Variants in RYR3 observed in about 807,000 individuals in gnomAD.
RYR3 encodes brain ryanodine receptor-calcium release channel.
RYR3 carries 207 observed loss-of-function variants against 584.3 expected under a neutral mutation model. The observed-to-expected ratio is 0.35, with a 90% CI of 0.32 to 0.40. RYR3 has a LOEUF of 0.40. Ranked by LOEUF, RYR3 falls within the 10% of genes least tolerant of loss-of-function variation. The pLI, the probability that RYR3 is intolerant of heterozygous loss-of-function variation, is 1.00. For missense variants in RYR3, 5,616 were observed against 6,089.2 expected, an observed-to-expected ratio of 0.92 and a Z score of 2.59; for synonymous variants, 2,416 against 2,248.5, an observed-to-expected ratio of 1.07 and a Z score of -2.11.
intron 46 of RYR3, 120 bp downstream of exon 46, chr15:33,726,626 C>A: frequency 9.7e-7 from 1 of 1,030,974 alleles, no homozygotes. Context: ...CTGCACAGGG[C>A]AAGTGTCTCA....
intron 27 of RYR3, among the ~76,000 whole-genome samples, chr15:33,637,717 T>C (rs2061570090): frequency 6.6e-6 from 1 of 152,264 alleles, no homozygotes; most frequent in South Asian, 2.1e-4. Context: ...AGAGCGTTTT[T>C]AGCTTTATAA....
At chr15:33,779,889 T>C (rs1445230324) in intron 64 of RYR3, among the ~76,000 whole-genome samples, 1 of 151,722 alleles carries the variant, frequency 6.6e-6, no homozygotes, top group Non-Finnish European at 1.5e-5. Flanking sequence ...TGGGCGCATG[T>C]AGTGCCAGCT....
At chr15:33,447,369 A>G (rs907845549) in intron 1 of RYR3, among the ~76,000 whole-genome samples, 3 of 152,196 alleles carry the variant, frequency 2.0e-5, no homozygotes, top group Non-Finnish European at 4.4e-5. Context: ...CTTCAAAGCA[A>G]CAGGAGAACT....
At chr15:33,620,151 C>T (rs1294079220) in intron 19 of RYR3, among the ~76,000 whole-genome samples, 3 of 152,054 alleles carry the variant, frequency 2.0e-5, no homozygotes, top group African/African-American at 7.2e-5. Flanking sequence ...AAATAGCCTT[C>T]TAGGGAGCAC....
chr15:33,348,796 G>A (rs1423159038), intron 1 of RYR3, among the ~76,000 whole-genome samples: 2 of 151,936 alleles, frequency 1.3e-5, no homozygotes, highest in Non-Finnish European at 2.9e-5. Context: ...AAAAAAAATT[G>A]CATGCATTAA....
rs529735179 is a variant in RYR3, at chr15:33,777,981, C to G, written c.9138-2230C>G. Among the ~76,000 whole-genome samples, 153 of 152,048 alleles carry G rather than the reference C, an allele frequency of 1.0e-3. 3 individuals carry two copies. Among genetic ancestry groups the G allele is most frequent in the Non-Finnish European group, 1.9e-3 (129 of 67,976 alleles). ...GGTCAGGAGTTCGAGGCCAGCCTGG[C>G]CAACATGGTGACGCTTCGTCTCTAC... On this transcript the variant is annotated intron_variant, in intron 64 of 103. Coordinates refer to ENST00000634891, the MANE Select transcript of RYR3 (RefSeq NM_001036.6).
At chr15:33,507,586 TAC>T (rs2052589505) in intron 3 of RYR3, among the ~76,000 whole-genome samples, 1 of 152,180 alleles carries the variant, frequency 6.6e-6, no homozygotes, top group Non-Finnish European at 1.5e-5. Context: ...TGATTAGACC[TAC>T]AGTGTCTACC....
intron 3 of RYR3, among the ~76,000 whole-genome samples, chr15:33,506,366 T>C (rs749390589): frequency 6.6e-6 from 1 of 152,234 alleles, no homozygotes; most frequent in Non-Finnish European, 1.5e-5. Context: ...TAATCTACTC[T>C]TCTTTAAAAA....
intron 60 of RYR3, among the ~76,000 whole-genome samples, chr15:33,760,489 G>T (rs1465162447): frequency 6.6e-6 from 1 of 152,030 alleles, no homozygotes; most frequent in East Asian, 1.9e-4. Flanking sequence ...AACCAACAAA[G>T]ATCAAAAAAG....
intron 80 of RYR3, among the ~76,000 whole-genome samples, chr15:33,822,017 C>CCATCCATTCATT (rs142617100): frequency 3.3e-5 from 5 of 151,536 alleles, no homozygotes; most frequent in Admixed American, 6.6e-5. Flanking sequence ...GTTCGTTCAT[C>CCATCCATTCATT]CATTCATTCA....
At chr15:33,449,635 ATG>A (rs2046946402) in intron 1 of RYR3, among the ~76,000 whole-genome samples, 1 of 152,256 alleles carries the variant, frequency 6.6e-6, no homozygotes, top group Non-Finnish European at 1.5e-5. Context: ...GTGTTGTCCC[ATG>A]CTGAATATAA....
intron 2 of RYR3, among the ~76,000 whole-genome samples, chr15:33,492,034 C>T (rs1450992091): frequency 6.6e-6 from 1 of 152,156 alleles, no homozygotes; most frequent in Non-Finnish European, 1.5e-5. Flanking sequence ...AAGATATGGC[C>T]TGAGGAGGGG....
chr15:33,413,042 AT>A (rs1325095402), intron 1 of RYR3, among the ~76,000 whole-genome samples: 2 of 152,186 alleles, frequency 1.3e-5, no homozygotes, highest in African/African-American at 4.8e-5. Context: ...GGATGATGTA[AT>A]TCCAAGGATA....
intron 1 of RYR3, among the ~76,000 whole-genome samples, chr15:33,468,144 C>T (rs906986902): frequency 2.6e-5 from 4 of 152,318 alleles, no homozygotes; most frequent in African/African-American, 9.6e-5. Flanking sequence ...GGGCAAGTGA[C>T]TTAACCTTTC....
intron 42 of RYR3, among the ~76,000 whole-genome samples, chr15:33,703,401 G>C (rs2066447884): frequency 6.6e-6 from 1 of 152,218 alleles, no homozygotes. Flanking sequence ...GGAAGTCCAA[G>C]ATCGAGGTGT....
At chr15:33,536,767 G>T (rs1567477519) in intron 5 of RYR3, among the ~76,000 whole-genome samples, 1 of 152,200 alleles carries the variant, frequency 6.6e-6, no homozygotes, top group Non-Finnish European at 1.5e-5. Context: ...TAGTGCTCCT[G>T]AGCTTATTAT....
intron 45 of RYR3, among the ~76,000 whole-genome samples, chr15:33,725,976 C>CAAA (rs61503360): frequency 1.8e-3 from 57 of 31,480 alleles, no homozygotes; most frequent in East Asian, 4.5e-3. Context: ...TCCCCCCCCC[C>CAAA]AAAAAAAAAA....
At chr15:33,610,139 C>T (rs997851632) in intron 18 of RYR3, among the ~76,000 whole-genome samples, 2 of 152,162 alleles carry the variant, frequency 1.3e-5, no homozygotes, top group African/African-American at 4.8e-5. Context: ...TCCTGTCCAG[C>T]TTTATTGCCC....
chr15:33,862,098 T>C (rs1392063709), intron 102 of RYR3, among the ~76,000 whole-genome samples: 1 of 152,090 alleles, frequency 6.6e-6, no homozygotes, highest in African/African-American at 2.4e-5. Flanking sequence ...ATAGATTTTA[T>C]TACCTGATAA....
Sources: gnomAD v4.1 joint callset for allele counts (sites outside exome capture counted in the v4.1 genomes callset) on GRCh38, gnomAD v4.1.1 for gene constraint, MANE v1.5 for transcripts, NCBI Gene and HGNC (gene_info 2026-07-23, HGNC 2026-07-21) for gene names.